RTN4: variants seen among roughly 807,000 people sequenced by gnomAD.
RTN4 encodes the protein reticulon 4, also known as reticulon-4.
A neutral mutation model predicts 90.4 loss-of-function variants in RTN4; 32 were observed. The observed-to-expected ratio is 0.35, with a 90% confidence interval of 0.27 to 0.48. The LOEUF (loss-of-function observed/expected upper bound fraction) is 0.48. RTN4 is among the 20% of genes least tolerant of loss of function. RTN4 has a pLI of 0.99. For missense variants in RTN4, 1,706 were observed against 1,430.2 expected, an observed-to-expected ratio of 1.19 and a Z score of -3.11; for synonymous variants, 629 against 552.5, an observed-to-expected ratio of 1.14 and a Z score of -1.94.
chr2:55,102,158 T>C (rs1237737634), intron 1 of RTN4, among the ~76,000 whole-genome samples: 1 of 152,142 alleles, frequency 6.6e-6, no homozygotes, highest in East Asian at 1.9e-4. Flanking sequence ...AAATCATGCC[T>C]AAATCATTTT....
chr2:55,107,146 T>C (rs1431391938), intron 1 of RTN4, among the ~76,000 whole-genome samples: 3 of 151,886 alleles, frequency 2.0e-5, no homozygotes, highest in Admixed American at 2.0e-4. Flanking sequence ...AAAACACTGA[T>C]ATGAAGTGCC....
At chr2:55,075,026 G>A (rs964327702) in intron 2 of RTN4, among the ~76,000 whole-genome samples, 7 of 152,184 alleles carry the variant, frequency 4.6e-5, no homozygotes, top group Non-Finnish European at 8.8e-5. Context: ...ACAAGACAAG[G>A]ATGCCCTCTT....
upstream of RTN4, among the ~76,000 whole-genome samples, chr2:55,053,473 G>T (rs978040934): frequency 6.6e-6 from 1 of 152,068 alleles, no homozygotes; most frequent in Non-Finnish European, 1.5e-5. Context: ...GATCTCTTGA[G>T]GTCAGGAGTT....
chr2:54,974,652 A>G, intron 6 of RTN4, 43 bp downstream of exon 6: 2 of 1,431,082 alleles, frequency 1.4e-6, no homozygotes, highest in Non-Finnish European at 9.9e-7. Context: ...CTGGCACACA[A>G]TCTTTCCAGC....
chr2:54,996,062 T>C (rs1029434827), intron 3 of RTN4, among the ~76,000 whole-genome samples: 2 of 152,174 alleles, frequency 1.3e-5, no homozygotes, highest in African/African-American at 4.8e-5. Context: ...TGTATTTCTA[T>C]ACACTAGCAA....
the RTN4 span, among the ~76,000 whole-genome samples, chr2:55,118,119 C>T: frequency 1.3e-5 from 2 of 152,124 alleles, no homozygotes; most frequent in Admixed American, 6.5e-5. Flanking sequence ...GATGCTGCCA[C>T]ACTTTGGATA....
At chr2:55,010,371 T>C in intron 3 of RTN4, 2 of 1,311,392 alleles carry the variant, frequency 1.5e-6, no homozygotes, top group South Asian at 2.3e-5. Context: ...CTTCTATCTG[T>C]TGATTGTTTT....
At chr2:55,109,292 A>G (rs1667995768) in intron 1 of RTN4, among the ~76,000 whole-genome samples, 1 of 152,160 alleles carries the variant, frequency 6.6e-6, no homozygotes, top group Non-Finnish European at 1.5e-5. Context: ...GAACAGCCTG[A>G]GCCCTTCAAT....
intron 3 of RTN4, among the ~76,000 whole-genome samples, chr2:54,996,384 C>G (rs1425833200): frequency 1.3e-5 from 2 of 152,010 alleles, no homozygotes; most frequent in South Asian, 4.1e-4. Context: ...TCAAGAAAAA[C>G]TTGAAAAAGT....
intron 3 of RTN4, among the ~76,000 whole-genome samples, chr2:54,990,389 C>A (rs1250111303): frequency 6.6e-6 from 1 of 152,034 alleles, no homozygotes; most frequent in Non-Finnish European, 1.5e-5. Context: ...ATATATACAG[C>A]TATGATTTGT....
intron 2 of RTN4, among the ~76,000 whole-genome samples, chr2:55,056,906 G>A (rs1167081526): frequency 6.6e-6 from 1 of 152,144 alleles, no homozygotes; most frequent in Non-Finnish European, 1.5e-5. Flanking sequence ...GAGAATCAGA[G>A]GTTATGCAAT....
At chr2:55,112,285 T>A (rs755676992) in intron 1 of RTN4, among the ~76,000 whole-genome samples, 2 of 152,198 alleles carry the variant, frequency 1.3e-5, no homozygotes, top group Non-Finnish European at 2.9e-5. Context: ...TGTTGCCTCA[T>A]CTACCCCCGG....
At chr2:55,036,505 G>A (rs1299691459) in intron 1 of RTN4, among the ~76,000 whole-genome samples, 2 of 149,500 alleles carry the variant, frequency 1.3e-5, no homozygotes, top group African/African-American at 4.9e-5. Flanking sequence ...AGGAGGCTGA[G>A]GCACAAGAAA....
At chr2:54,987,745 T>C (rs1233333156) in intron 3 of RTN4, 47 bp from the exon 4 acceptor site, 7 of 1,491,822 alleles carry the variant, frequency 4.7e-6, no homozygotes, top group East Asian at 4.9e-5. Flanking sequence ...ATTTTATCAA[T>C]TTGGATTTGC....
intron 1 of RTN4, among the ~76,000 whole-genome samples, chr2:55,033,751 T>C (rs1682490175): frequency 6.6e-6 from 1 of 152,244 alleles, no homozygotes; most frequent in South Asian, 2.1e-4. Context: ...TATTTTTTAA[T>C]TGATATATAA....
At chr2:55,087,589 A>C (rs1440320756) in intron 1 of RTN4, among the ~76,000 whole-genome samples, 2 of 152,092 alleles carry the variant, frequency 1.3e-5, no homozygotes, top group East Asian at 3.8e-4. Context: ...TCAAGTCTGA[A>C]TCTTGTTGAT....
intron 1 of RTN4, among the ~76,000 whole-genome samples, chr2:55,047,350 T>C (rs1371168939): frequency 6.6e-6 from 1 of 151,506 alleles, no homozygotes; most frequent in Admixed American, 6.6e-5. Context: ...AAAAAATTCC[T>C]GTTTAAAAAT....
At chr2:55,001,054 A>C (rs1414015846) in intron 3 of RTN4, among the ~76,000 whole-genome samples, 1 of 152,180 alleles carries the variant, frequency 6.6e-6, no homozygotes, top group Non-Finnish European at 1.5e-5. Context: ...GGTGAATTTA[A>C]GAATGATATT....
chr2:54,972,991 C>T lies in RTN4; in HGVS notation c.*165G>A, dbSNP rs2104588206. The stretch of plus-strand genomic sequence containing the variant: ...GATGATGAACACATGGCAGTCAAGA[C>T]AGGTAATTTTTCCTCACAACAGTGC... On this transcript the variant is annotated 3_prime_UTR_variant, in exon 9 of 9. Transcript: ENST00000337526. 3.7e-6 allele frequency: 2 copies of T among 539,446 alleles called. No homozygotes were observed. Among genetic ancestry groups the T allele is most frequent in the South Asian group, 6.3e-5 (2 of 31,672 alleles). 33.4% of individuals were successfully genotyped at this position (539,446 alleles called of 1,614,324 possible).
Sources: allele counts gnomAD v4.1 joint callset (sites outside exome capture counted in the v4.1 genomes callset), GRCh38; gene constraint gnomAD v4.1.1; transcripts MANE v1.5; gene names NCBI Gene and HGNC (gene_info 2026-07-23, HGNC 2026-07-21).